Variants in CFAP58 observed in about 807,000 individuals in gnomAD.
CFAP58 encodes the protein cilia- and flagella-associated protein 58.
A neutral mutation model predicts 119.5 loss-of-function variants in CFAP58; 88 were observed. The observed-to-expected ratio is 0.74, with a 90% CI of 0.62 to 0.88. The LOEUF is 0.88. Ranked by LOEUF, CFAP58 falls within the 40% of genes least tolerant of loss-of-function variation. CFAP58 has a pLI of 0.00. For missense variants in CFAP58, 990 were observed against 1,021.2 expected (o/e 0.97, Z 0.42); for synonymous variants, 365 against 366.3 (o/e 1.00, Z 0.04).
chr10:104,362,149 C>T lies in CFAP58; in HGVS notation c.418C>T (p.Leu140=). The change falls in exon 3 of 18, where the codon CTG becomes TTG. Residue 140 remains leucine (L), a synonymous_variant. Transcript: ENST00000369704. ...CAAACTAGTGGAGCAGGGGTCTGGA[C>T]TGTCAATGGACCAGCATAGCAAGTA... The part of the protein sequence containing the change: ...LTKLVEQGSG[L]SMDQHSNIRD... 6.2e-7 allele frequency: 1 copy of T among 1,613,634 alleles called. No homozygotes were observed. The highest frequency in any genetic ancestry group is 1.1e-5 in the South Asian group (1 of 91,000).
intron 16 of CFAP58, among the ~76,000 whole-genome samples, chr10:104,449,472 C>A (rs7907074): frequency 0.12 from 18,455 of 152,022 alleles, 2,250 homozygotes; most frequent in African/African-American, 0.31. Flanking sequence ...CCAGCCCAAG[C>A]CCAGCAGCAG....
rs150607499 is a variant in CFAP58 at position 104,453,342 on chromosome 10, A to C, written c.2511-1080A>C. Among the ~76,000 whole-genome samples the C allele has an allele frequency of 2.3e-3, 353 of 152,338 alleles. 1 individual carries two copies. The highest frequency in any genetic ancestry group is 5.5e-3 in the Admixed American group (84 of 15,304). The stretch of plus-strand genomic sequence containing the variant: ...TGAGAGACAGATGGGTTGGTTACCA[A>C]TCCTCTACAGGTTCTCTCCCAATGG... On this transcript the variant is annotated intron_variant, in intron 17 of 17. Coordinates refer to ENST00000369704, the MANE Select transcript of CFAP58 (RefSeq NM_001008723.2).
chr10:104,371,578 A>AG (rs746468427), intron 7 of CFAP58, among the ~76,000 whole-genome samples: 6 of 152,144 alleles, frequency 3.9e-5, no homozygotes, highest in Non-Finnish European at 7.4e-5. Flanking sequence ...TGCCACAGGG[A>AG]GGTACAGAGA....
At chr10:104,432,571 T>C (rs777760632) in intron 15 of CFAP58, among the ~76,000 whole-genome samples, 39 of 152,276 alleles carry the variant, frequency 2.6e-4, no homozygotes, top group Non-Finnish European at 4.0e-4. Flanking sequence ...GGTGCGATCT[T>C]GGCCCACTAC....
Position 104,400,878 on chromosome 10 carries a change from A to G in CFAP58, c.2014A>G (p.Ser672Gly), listed in dbSNP as rs759957049. The G allele has an allele frequency of 5.6e-6, 9 of 1,614,118 alleles. No homozygotes were observed. Among genetic ancestry groups the G allele is most frequent in the Non-Finnish European group, 7.6e-6 (9 of 1,179,980 alleles). ...LRREKGILARSMANVEELRQE... is the reference protein window; with the variant it reads ...LRREKGILARGMANVEELRQE... ...CCGGGAAAAGGGGATTCTTGCCAGG[A>G]GTATGGCTAATGTTGAAGAACTCAG... The change falls in exon 13 of 18, where the codon AGT (serine) becomes GGT (glycine). Residue 672 changes from serine (S) to glycine (G), a missense_variant. By Grantham distance (56) the Ser-to-Gly change is moderately conservative. Coordinates refer to ENST00000369704, the MANE Select transcript of CFAP58 (RefSeq NM_001008723.2).
At chr10:104,451,771 T>G (rs1267568605) in intron 17 of CFAP58, among the ~76,000 whole-genome samples, 1 of 152,238 alleles carries the variant, frequency 6.6e-6, no homozygotes, top group Non-Finnish European at 1.5e-5. Flanking sequence ...AGTCTTACTG[T>G]GTCACCCAGG....
At chr10:104,414,130 G>A (rs1379357756) in intron 15 of CFAP58, among the ~76,000 whole-genome samples, 2 of 152,080 alleles carry the variant, frequency 1.3e-5, no homozygotes, top group African/African-American at 4.8e-5. Flanking sequence ...AGTATCCCTA[G>A]GAAGCAGCTA....
At chr10:104,350,124 C>T (rs2014443031), upstream of CFAP58, among the ~76,000 whole-genome samples, 1 of 152,216 alleles carries the variant, frequency 6.6e-6, no homozygotes, top group Non-Finnish European at 1.5e-5. Context: ...ATTTGCTTCT[C>T]CTGATGCTCC....
chr10:104,347,675 G>A, the CFAP58 span, among the ~76,000 whole-genome samples: 15 of 152,046 alleles, frequency 9.9e-5, no homozygotes, highest in Admixed American at 9.8e-4. Context: ...GTTGATGCAG[G>A]CTTTAAAATT....
chr10:104,445,478 G>T (rs1441541725), intron 15 of CFAP58, among the ~76,000 whole-genome samples: 1 of 152,180 alleles, frequency 6.6e-6, no homozygotes, highest in Non-Finnish European at 1.5e-5. Context: ...ACATGGCAGG[G>T]CTTATTCAGA....
chr10:104,424,850 A>C (rs1018217556), intron 15 of CFAP58, among the ~76,000 whole-genome samples: 4 of 152,218 alleles, frequency 2.6e-5, no homozygotes, highest in Non-Finnish European at 5.9e-5. Flanking sequence ...CCTCAAGGAC[A>C]AAGAGGACAT....
intron 15 of CFAP58, among the ~76,000 whole-genome samples, chr10:104,408,094 C>T (rs1389765441): frequency 6.6e-6 from 1 of 152,166 alleles, no homozygotes; most frequent in Non-Finnish European, 1.5e-5. Flanking sequence ...TACAGTCTAC[C>T]TTAAGAAAGA....
At chr10:104,387,256 G>C (rs1019000625) in intron 9 of CFAP58, among the ~76,000 whole-genome samples, 8 of 152,238 alleles carry the variant, frequency 5.3e-5, no homozygotes, top group Non-Finnish European at 8.8e-5. Flanking sequence ...CAGAGGTTCA[G>C]CTGACCTAAA....
At chr10:104,436,370 G>A (rs942290201) in intron 15 of CFAP58, among the ~76,000 whole-genome samples, 2 of 152,148 alleles carry the variant, frequency 1.3e-5, no homozygotes, top group Non-Finnish European at 2.9e-5. Context: ...TTCTTGCATT[G>A]CTATGAAGAA....
intron 17 of CFAP58, among the ~76,000 whole-genome samples, chr10:104,453,163 G>C (rs1589941874): frequency 6.6e-6 from 1 of 152,288 alleles, no homozygotes; most frequent in East Asian, 1.9e-4. Flanking sequence ...GAGAGGGCAG[G>C]GGGAGGGGGA....
rs979573083 is a variant in CFAP58 at position 104,384,889 on chromosome 10, G to A, written c.1365+4669G>A. Among the ~76,000 whole-genome samples the A allele has an allele frequency of 2.0e-5, 3 of 152,176 alleles. No homozygotes were observed. In the East Asian group the frequency reaches 5.8e-4, roughly 29 times the overall value. Reference sequence around the variant, plus strand: ...TGAGCAGGAAATAGGGAGTAGATAGGGAAGAATGGGAGAGGAGGGCACACA... The same window carrying A: ...TGAGCAGGAAATAGGGAGTAGATAGAGAAGAATGGGAGAGGAGGGCACACA... On this transcript the variant is annotated intron_variant, in intron 9 of 17. Transcript: ENST00000369704.
chr10:104,352,220 A>G (rs2014468164), upstream of CFAP58, among the ~76,000 whole-genome samples: 1 of 152,238 alleles, frequency 6.6e-6, no homozygotes, highest in Admixed American at 6.5e-5. Flanking sequence ...AAAAAGACCT[A>G]TCACCTTCTG....
At chr10:104,376,502 C>CAAAAAAAAAAAAA (rs1282859666) in intron 7 of CFAP58, among the ~76,000 whole-genome samples, 1 of 48,238 alleles carries the variant, frequency 2.1e-5, no homozygotes, top group African/African-American at 6.7e-5. Flanking sequence ...AACTCCGTCT[C>CAAAAAAAAAAAAA]AAAAAAAAAA....
At chr10:104,439,875 A>T (rs2013006943) in intron 15 of CFAP58, among the ~76,000 whole-genome samples, 1 of 152,140 alleles carries the variant, frequency 6.6e-6, no homozygotes, top group Admixed American at 6.5e-5. Flanking sequence ...GCTGGAGTGC[A>T]GTGGCGCGAT....
Sources: allele counts gnomAD v4.1 joint callset (sites outside exome capture counted in the v4.1 genomes callset), GRCh38; gene constraint gnomAD v4.1.1; transcripts MANE v1.5; gene names NCBI Gene and HGNC (gene_info 2026-07-23, HGNC 2026-07-21).